Variants in JAM2 observed in about 807,000 individuals in gnomAD.
JAM2 encodes junctional adhesion molecule 2, also known as junctional adhesion molecule B.
JAM2 carries 17 observed loss-of-function variants against 42.0 expected under a neutral mutation model. The ratio of observed to expected loss-of-function variants is 0.40; its 90% CI spans 0.28 to 0.61. The LOEUF is 0.61. Ranked by LOEUF, JAM2 falls within the 20% of genes least tolerant of loss-of-function variation. JAM2 has a pLI of 0.37. For synonymous variants in JAM2, 118 were observed against 128.6 expected, an observed-to-expected ratio of 0.92 and a Z score of 0.56; for missense variants, 319 against 358.3, an observed-to-expected ratio of 0.89 and a Z score of 0.89.
At chr21:25,709,030 T>C (rs1282092378) in intron 7 of JAM2, among the ~76,000 whole-genome samples, 2 of 152,154 alleles carry the variant, frequency 1.3e-5, no homozygotes, top group African/African-American at 2.4e-5. Context: ...TTACAATCTA[T>C]TTGATGATAG....
rs2034462384 is a variant in JAM2, at chr21:25,715,550, T to C, written c.*878T>C. The C allele has an allele frequency of 6.6e-6, 1 of 152,220 alleles. No homozygotes were observed. The highest frequency in any genetic ancestry group is 1.5e-5 in the Non-Finnish European group (1 of 68,042). 9.4% of individuals were successfully genotyped at this position (152,220 alleles called of 1,614,324 possible). A position where few individuals can be genotyped will look rare whatever the true frequency, so the allele number is the denominator to read the frequency against. Reference sequence around the variant, plus strand: ...TGTCTCTAAAAATTGTGCAGTGACATTCCGGGCCAAGTCCCTTAGTCAGGG... The same window carrying C: ...TGTCTCTAAAAATTGTGCAGTGACACTCCGGGCCAAGTCCCTTAGTCAGGG... On this transcript the variant is annotated 3_prime_UTR_variant, in exon 10 of 10. Transcript: ENST00000480456.
intron 5 of JAM2, among the ~76,000 whole-genome samples, chr21:25,701,118 T>C (rs2034155931): frequency 1.3e-5 from 2 of 152,358 alleles, no homozygotes; most frequent in South Asian, 4.1e-4. Context: ...ATGACTTCCT[T>C]TTAATTACCA....
At chr21:25,682,774 G>A (rs2033664188) in intron 1 of JAM2, among the ~76,000 whole-genome samples, 1 of 152,182 alleles carries the variant, frequency 6.6e-6, no homozygotes, top group African/African-American at 2.4e-5. Flanking sequence ...GGTGGAGGTA[G>A]CTTTCAGCAG....
In JAM2 at chr21:25,675,717, C is replaced by T. The variant is rs996729038; in HGVS notation, c.68-8166C>T. Among the ~76,000 whole-genome samples, 3 of 151,972 alleles carry T rather than the reference C, an allele frequency of 2.0e-5. No individual in the cohort carries two copies. In the South Asian group the frequency reaches 6.2e-4, roughly 32 times the overall value. On this transcript the variant is annotated intron_variant, in intron 1 of 9. Transcript: ENST00000480456. ...CTCGCTCACTATCATGACAACAGTT[C>T]CAAGGGGATTGTGTTAAGCCATTCA...
chr21:25,705,039 G>T (rs1295492406), intron 6 of JAM2, among the ~76,000 whole-genome samples: 2 of 152,120 alleles, frequency 1.3e-5, no homozygotes, highest in Non-Finnish European at 2.9e-5. Flanking sequence ...ATTAGAGGAC[G>T]GATGCCTTAA....
At position 25,698,705 on chromosome 21, in the gene JAM2, A is replaced by G; in HGVS notation, c.423A>G (p.Val141=). Residue 141 remains valine, a synonymous_variant, in exon 5 of 10, where the codon GTA becomes GTG. Transcript: ENST00000480456. ...CTCCAGCAGTTCCATCATGTGAAGT[A>G]CCCTCTTCTGCTCTGAGTGGAACTG... The part of the protein sequence containing the change: ...LVAPAVPSCE[V]PSSALSGTVV... The G allele has an allele frequency of 1.9e-6, 3 of 1,614,082 alleles. No individual in the cohort carries two copies. Among genetic ancestry groups the G allele is most frequent in the Non-Finnish European group, 1.7e-6 (2 of 1,179,958 alleles).
chr21:25,667,009 T>G (rs531904975), intron 1 of JAM2, among the ~76,000 whole-genome samples: 1 of 152,370 alleles, frequency 6.6e-6, no homozygotes, highest in East Asian at 1.9e-4. Context: ...TCTTTTGTTC[T>G]TTAATCCCGG....
chr21:25,676,077 C>T (rs917538588), intron 1 of JAM2, among the ~76,000 whole-genome samples: 1 of 151,962 alleles, frequency 6.6e-6, no homozygotes, highest in Non-Finnish European at 1.5e-5. Context: ...CACTTGAGGT[C>T]AGGAGTTTGA....
At chr21:25,668,968 C>A (rs1237352277) in intron 1 of JAM2, among the ~76,000 whole-genome samples, 1 of 152,116 alleles carries the variant, frequency 6.6e-6, no homozygotes, top group Non-Finnish European at 1.5e-5. Flanking sequence ...GAGGACGAGA[C>A]ACAGCCAAAG....
At chr21:25,649,616 T>C (rs144362426) in intron 1 of JAM2, among the ~76,000 whole-genome samples, 1 of 152,326 alleles carries the variant, frequency 6.6e-6, no homozygotes, top group African/African-American at 2.4e-5. Flanking sequence ...AGTTCTACTC[T>C]CTGGAGCAGG....
chr21:25,695,640 G>T (rs922869295), intron 4 of JAM2, among the ~76,000 whole-genome samples: 2 of 151,018 alleles, frequency 1.3e-5, no homozygotes, highest in African/African-American at 4.9e-5. Flanking sequence ...GCGGCGGCAG[G>T]GCGGAGATGC....
intron 1 of JAM2, among the ~76,000 whole-genome samples, chr21:25,645,565 TA>T: frequency 6.6e-6 from 1 of 152,312 alleles, no homozygotes; most frequent in South Asian, 2.1e-4. Context: ...ATTGCTTGTG[TA>T]AGTACTTATT....
intron 1 of JAM2, among the ~76,000 whole-genome samples, chr21:25,679,822 A>G (rs2033586831): frequency 6.6e-6 from 1 of 152,220 alleles, no homozygotes; most frequent in African/African-American, 2.4e-5. Context: ...GTTAATCTGC[A>G]ATCCTTGCTA....
At chr21:25,688,440 C>G (rs886888000) in intron 2 of JAM2, among the ~76,000 whole-genome samples, 1 of 152,132 alleles carries the variant, frequency 6.6e-6, no homozygotes, top group African/African-American at 2.4e-5. Flanking sequence ...CACAAAATAC[C>G]GGAAGGAAAC....
intron 4 of JAM2, among the ~76,000 whole-genome samples, chr21:25,696,298 G>A (rs542099304): frequency 6.6e-6 from 1 of 152,168 alleles, no homozygotes; most frequent in African/African-American, 2.4e-5. Context: ...TGAGGCAGGA[G>A]AATCAGGCAG....
chr21:25,679,823 A>G lies in JAM2; in HGVS notation c.68-4060A>G, dbSNP rs546998550. On this transcript the variant is annotated intron_variant, in intron 1 of 9. Coordinates refer to ENST00000480456, the MANE Select transcript of JAM2 (RefSeq NM_021219.4). Reference sequence around the variant, plus strand: ...CACCTGGAATCTTTGTTAATCTGCAATCCTTGCTAGTGTTCAGCTTGCGGG... The same window carrying G: ...CACCTGGAATCTTTGTTAATCTGCAGTCCTTGCTAGTGTTCAGCTTGCGGG... 3.9e-5 allele frequency among the ~76,000 whole-genome samples: 6 copies of G among 152,294 alleles called. No individual in the cohort carries two copies. In the South Asian group the frequency reaches 6.2e-4, roughly 16 times the overall value.
At chr21:25,664,153 A>G (rs1200983726) in intron 1 of JAM2, among the ~76,000 whole-genome samples, 1 of 152,218 alleles carries the variant, frequency 6.6e-6, no homozygotes, top group Non-Finnish European at 1.5e-5. Context: ...TTCCCATGCC[A>G]TTGAAATTAC....
At chr21:25,652,288 A>G (rs894423553) in intron 1 of JAM2, among the ~76,000 whole-genome samples, 3 of 152,166 alleles carry the variant, frequency 2.0e-5, no homozygotes, top group African/African-American at 7.2e-5. Context: ...GCTACTCACG[A>G]GGCTGAGGTG....
chr21:25,675,904 T>A (rs2123355749), intron 1 of JAM2, among the ~76,000 whole-genome samples: 1 of 152,212 alleles, frequency 6.6e-6, no homozygotes, highest in East Asian at 1.9e-4. Flanking sequence ...TAAATTTTTA[T>A]TTTTATGAAA....
Sources: gnomAD v4.1 joint callset for allele counts (sites outside exome capture counted in the v4.1 genomes callset) on GRCh38, gnomAD v4.1.1 for gene constraint, MANE v1.5 for transcripts, NCBI Gene and HGNC (gene_info 2026-07-23, HGNC 2026-07-21) for gene names.